The following GRM5 variants were observed in gnomAD, a reference collection of about 807,000 sequenced individuals.
GRM5 encodes metabotropic glutamate receptor 5.
In GRM5, 19 loss-of-function variants were observed where a neutral mutation model predicts 83.1. That is an observed-to-expected ratio of 0.23 (90% CI 0.16 to 0.34). The LOEUF is 0.34. Among genes scored for constraint, GRM5 ranks in the 10% least tolerant of loss-of-function variants. The pLI is 1.00. For synonymous variants in GRM5, 675 were observed against 633.6 expected (o/e 1.07, Z -0.98); for missense variants, 1,160 against 1,588.3 (o/e 0.73, Z 4.58).
intron 9 of GRM5, among the ~76,000 whole-genome samples, chr11:88,515,802 A>T (rs947764052): frequency 6.6e-6 from 1 of 152,220 alleles, no homozygotes; most frequent in African/African-American, 2.4e-5. Context: ...AGCCAGACAT[A>T]GCTGTTTTGT....
At chr11:88,942,936 CACA>C (rs1489339541) in intron 2 of GRM5, among the ~76,000 whole-genome samples, 1 of 152,030 alleles carries the variant, frequency 6.6e-6, no homozygotes, top group East Asian at 1.9e-4. Flanking sequence ...AGTTTTGGAA[CACA>C]ACATCTATCA....
intron 2 of GRM5, among the ~76,000 whole-genome samples, chr11:88,982,368 T>C (rs1476105597): frequency 3.3e-5 from 5 of 152,100 alleles, no homozygotes. Flanking sequence ...CTTACATAAG[T>C]CTCAATTCTA....
intron 3 of GRM5, among the ~76,000 whole-genome samples, chr11:88,830,896 G>C (rs774949758): frequency 9.9e-5 from 15 of 152,110 alleles, no homozygotes; most frequent in Non-Finnish European, 1.9e-4. Flanking sequence ...CACATGGATG[G>C]CAGCAGGCAA....
intron 2 of GRM5, among the ~76,000 whole-genome samples, chr11:88,962,603 A>C (rs1238520727): frequency 6.6e-6 from 1 of 152,198 alleles, no homozygotes; most frequent in African/African-American, 2.4e-5. Context: ...TCAACTGTTT[A>C]TTAAAATATA....
intron 8 of GRM5, among the ~76,000 whole-genome samples, chr11:88,541,882 T>C (rs187304532): frequency 1.9e-4 from 29 of 152,258 alleles, no homozygotes; most frequent in African/African-American, 5.5e-4. Context: ...AGGGAGGTGA[T>C]TGGATCGTGA....
intron 2 of GRM5, among the ~76,000 whole-genome samples, chr11:88,852,720 C>T (rs1339904466): frequency 6.6e-6 from 1 of 151,990 alleles, no homozygotes; most frequent in Non-Finnish European, 1.5e-5. Flanking sequence ...AGTTTTAACA[C>T]ATGTGTGACA....
intron 2 of GRM5, among the ~76,000 whole-genome samples, chr11:88,942,302 G>GT (rs1202837518): frequency 6.6e-6 from 1 of 152,036 alleles, no homozygotes; most frequent in African/African-American, 2.4e-5. Flanking sequence ...GAAGTGTGTG[G>GT]TAAGATGTTA....
intron 4 of GRM5, among the ~76,000 whole-genome samples, chr11:88,639,814 A>G (rs1304588591): frequency 1.3e-5 from 2 of 152,142 alleles, no homozygotes; most frequent in Non-Finnish European, 2.9e-5. Context: ...AAGTATCTTT[A>G]ACATACCTTG....
intron 3 of GRM5, among the ~76,000 whole-genome samples, chr11:88,712,179 A>T (rs1019702043): frequency 6.6e-6 from 1 of 152,096 alleles, no homozygotes; most frequent in African/African-American, 2.4e-5. Context: ...TGGCTTTTTC[A>T]ACAAGGTACT....
intron 3 of GRM5, among the ~76,000 whole-genome samples, chr11:88,714,946 T>C (rs2135388205): frequency 6.6e-6 from 1 of 152,142 alleles, no homozygotes; most frequent in African/African-American, 2.4e-5. Flanking sequence ...AATTAGAATA[T>C]ATTTTCAAAA....
chr11:88,720,665 C>T (rs1327600527), intron 3 of GRM5, among the ~76,000 whole-genome samples: 1 of 152,054 alleles, frequency 6.6e-6, no homozygotes, highest in African/African-American at 2.4e-5. Flanking sequence ...AAAATGAACA[C>T]ATTTTAGAAA....
intron 2 of GRM5, among the ~76,000 whole-genome samples, chr11:88,997,599 T>C (rs956260363): frequency 7.2e-5 from 11 of 151,846 alleles, no homozygotes; most frequent in Non-Finnish European, 1.0e-4. Context: ...ATTACCACCA[T>C]CATGACTGAA....
intron 3 of GRM5, among the ~76,000 whole-genome samples, chr11:88,754,034 C>T (rs1942342217): frequency 6.6e-6 from 1 of 151,976 alleles, no homozygotes; most frequent in Non-Finnish European, 1.5e-5. Context: ...ATTATGGGAA[C>T]TACAAGATGA....
At chr11:88,684,501 C>T (rs145676698) in intron 3 of GRM5, among the ~76,000 whole-genome samples, 14 of 152,040 alleles carry the variant, frequency 9.2e-5, no homozygotes, top group Non-Finnish European at 1.6e-4. Context: ...ATTGGATGTG[C>T]GGAGTTATAA....
intron 3 of GRM5, among the ~76,000 whole-genome samples, chr11:88,726,214 AAC>A (rs1351598051): frequency 6.6e-6 from 1 of 152,210 alleles, no homozygotes; most frequent in Non-Finnish European, 1.5e-5. Context: ...GGAGCTGAAA[AAC>A]ACAGCACAAG....
At chr11:88,788,146 G>A (rs1943108387) in intron 3 of GRM5, among the ~76,000 whole-genome samples, 1 of 152,096 alleles carries the variant, frequency 6.6e-6, no homozygotes, top group Admixed American at 6.6e-5. Flanking sequence ...ATTCTTCTTT[G>A]CTCCTTAGAT....
intron 2 of GRM5, among the ~76,000 whole-genome samples, chr11:89,021,544 C>A (rs1353673240): frequency 1.3e-5 from 2 of 152,292 alleles, no homozygotes; most frequent in Admixed American, 1.3e-4. Context: ...CACAGCTCAG[C>A]ACAATTTGGA....
intron 2 of GRM5, among the ~76,000 whole-genome samples, chr11:89,011,478 G>T (rs762274943): frequency 2.6e-5 from 4 of 152,166 alleles, no homozygotes; most frequent in Non-Finnish European, 5.9e-5. Context: ...ATATTACAGA[G>T]AAGTTGGCAG....
intron 2 of GRM5, among the ~76,000 whole-genome samples, chr11:88,870,882 TAAAGGGAAG>T (rs982601005): frequency 1.3e-5 from 2 of 151,290 alleles, no homozygotes; most frequent in Non-Finnish European, 3.0e-5. Flanking sequence ...AATAAACGAT[TAAAGGGAAG>T]AAAGGTTGTT....
Sources: gnomAD v4.1 joint callset for allele counts (sites outside exome capture counted in the v4.1 genomes callset) on GRCh38, gnomAD v4.1.1 for gene constraint, MANE v1.5 for transcripts, NCBI Gene and HGNC (gene_info 2026-07-23, HGNC 2026-07-21) for gene names.